Variants in THADA observed in about 807,000 individuals in gnomAD.
THADA encodes the protein THADA armadillo repeat containing, also known as tRNA (32-2'-O)-methyltransferase regulator THADA.
A neutral mutation model predicts 219.8 loss-of-function variants in THADA; 213 were observed. The ratio of observed to expected loss-of-function variants is 0.97; its 90% CI spans 0.87 to 1.09. The LOEUF (loss-of-function observed/expected upper bound fraction) is 1.09, where lower values mean the gene tolerates loss of function less well. THADA is among the 50% of genes least tolerant of loss of function. THADA has a pLI of 0.00. For synonymous variants in THADA, 1,018 were observed against 828.9 expected (o/e 1.23, Z -3.92); for missense variants, 2,956 against 2,311.3 (o/e 1.28, Z -5.72).
Position 43,397,962 on chromosome 2 carries a change from T to C in THADA, c.4227+9A>G, listed in dbSNP as rs1026870258. The C allele has an allele frequency of 3.7e-6, 6 of 1,613,538 alleles. No individual in the cohort carries two copies. The highest frequency in any genetic ancestry group is 5.1e-6 in the Non-Finnish European group (6 of 1,179,654). On this transcript the variant is annotated intron_variant, in intron 29 of 37. Transcript: ENST00000405975. ...TTTGACAGAAGTCACACAAAGCAAC[T>C]TTACTTACCTGGAGAAGTGTCCCAT...
chr2:43,514,594 T>C (rs1377882963), intron 22 of THADA, among the ~76,000 whole-genome samples: 1,661 of 96,956 alleles, frequency 0.017, 16 homozygotes, highest in African/African-American at 0.028. Context: ...TTTATATATG[T>C]ATATTTTATA....
intron 25 of THADA, among the ~76,000 whole-genome samples, chr2:43,497,159 C>T (rs1688365542): frequency 6.6e-6 from 1 of 152,140 alleles, no homozygotes; most frequent in Admixed American, 6.5e-5. Context: ...ACCAGAAATA[C>T]CATTTGACCC....
At chr2:43,392,010 C>T (rs928525450) in intron 29 of THADA, 10 of 152,180 alleles carry the variant, frequency 6.6e-5, no homozygotes, top group African/African-American at 2.2e-4. Context: ...TTATAACTTA[C>T]AGCATCAGCA....
At chr2:43,506,216 T>A (rs1484324958) in intron 23 of THADA, among the ~76,000 whole-genome samples, 2 of 152,196 alleles carry the variant, frequency 1.3e-5, no homozygotes, top group African/African-American at 4.8e-5. Flanking sequence ...AAAGAATCAT[T>A]ACTTGGAGGA....
chr2:43,539,163 T>C (rs1694979430), intron 21 of THADA, among the ~76,000 whole-genome samples: 1 of 152,220 alleles, frequency 6.6e-6, no homozygotes, highest in African/African-American at 2.4e-5. Flanking sequence ...GCAAGTCACT[T>C]CACTGCCTCC....
chr2:43,275,977 G>C (rs1672686874), intron 36 of THADA, among the ~76,000 whole-genome samples: 1 of 152,216 alleles, frequency 6.6e-6, no homozygotes, highest in African/African-American at 2.4e-5. Flanking sequence ...TGGCCGCTTG[G>C]TGGAAGAGGG....
chr2:43,235,315 CAG>C (rs1249942337), intron 36 of THADA, among the ~76,000 whole-genome samples: 1 of 151,480 alleles, frequency 6.6e-6, no homozygotes, highest in Non-Finnish European at 1.5e-5. Flanking sequence ...TGTCTTGAGA[CAG>C]AGTTTCGCTC....
intron 25 of THADA, among the ~76,000 whole-genome samples, chr2:43,497,568 A>G (rs1271101159): frequency 6.6e-6 from 1 of 152,148 alleles, no homozygotes; most frequent in Non-Finnish European, 1.5e-5. Context: ...ATCAGGACAA[A>G]TAGCTAATGC....
At chr2:43,312,717 GT>G (rs1276809031) in intron 31 of THADA, among the ~76,000 whole-genome samples, 21,501 of 126,284 alleles carry the variant, frequency 0.17, 1,643 homozygotes, top group African/African-American at 0.22. Flanking sequence ...AACAAAGCCT[GT>G]TTTTTTTTTT....
rs961715851 is a variant in THADA at position 43,421,738 on chromosome 2, A to G, written c.4058+6362T>C. Among the ~76,000 whole-genome samples, 3 of 152,208 alleles carry G rather than the reference A, an allele frequency of 2.0e-5. No individual in the cohort carries two copies. In the South Asian group the frequency reaches 6.2e-4, roughly 32 times the overall value. ...ATAAAGAATGCTTTTCAGACATAAC[A>G]TCTCATAGGCCAAAAATATGTTTTC... On this transcript the variant is annotated intron_variant, in intron 28 of 37. Transcript: ENST00000405975.
chr2:43,539,019 A>C (rs1449560224), intron 21 of THADA, among the ~76,000 whole-genome samples: 1 of 152,222 alleles, frequency 6.6e-6, no homozygotes, highest in Non-Finnish European at 1.5e-5. Flanking sequence ...TCAAAATAGA[A>C]TAGAATTGTA....
At chr2:43,263,002 G>C (rs1671132181) in intron 36 of THADA, among the ~76,000 whole-genome samples, 1 of 152,168 alleles carries the variant, frequency 6.6e-6, no homozygotes, top group South Asian at 2.1e-4. Flanking sequence ...CTTCCATAGA[G>C]AGCCAAGTCA....
Position 43,574,411 on chromosome 2 carries a change from T to C in THADA, c.1654A>G (p.Lys552Glu), listed in dbSNP as rs547589215. 8.7e-6 allele frequency: 14 copies of C among 1,610,310 alleles called. No individual in the cohort carries two copies. Among genetic ancestry groups the C allele is most frequent in the African/African-American group, 4.0e-5 (3 of 74,888 alleles). ...KSYVIDYYLP[K>E]LLSYSPESLQ... ...CTTTCAGGGCTGTAACTTAATAATT[T>C]TGGCAAGTAATAATCAATCACGTAA... Residue 552 changes from lysine to glutamate, a missense_variant, in exon 11 of 38, where the codon AAA (lysine) becomes GAA (glutamate). By Grantham distance (56) the Lys-to-Glu change is moderately conservative. Coordinates refer to ENST00000405975, the MANE Select transcript of THADA (RefSeq NM_022065.5).
intron 26 of THADA, among the ~76,000 whole-genome samples, chr2:43,455,894 T>A (rs1682936281): frequency 6.6e-6 from 1 of 152,192 alleles, no homozygotes. Context: ...TACATTCTGT[T>A]CCTTATGGTC....
rs148483133 is a variant in THADA at position 43,322,773 on chromosome 2, C to T, written c.4344-2233G>A. Among the ~76,000 whole-genome samples the T allele has an allele frequency of 5.4e-3, 795 of 147,072 alleles. 7 individuals are homozygous for T. Among genetic ancestry groups the T allele is most frequent in the Middle Eastern group, 0.01 (3 of 286 alleles). ...CGATCTTGGCTCACTGCAAGCCCCA[C>T]CTGCCGGGTTCATGCCATTCTCCTG... is the stretch of plus-strand genomic sequence containing the variant. On this transcript the variant is annotated intron_variant, in intron 30 of 37. Coordinates refer to ENST00000405975, the MANE Select transcript of THADA (RefSeq NM_022065.5).
intron 21 of THADA, among the ~76,000 whole-genome samples, chr2:43,540,101 C>A (rs1695106375): frequency 6.6e-6 from 1 of 152,192 alleles, no homozygotes; most frequent in African/African-American, 2.4e-5. Context: ...AGATGGTGAA[C>A]ATCAGTGAAG....
At chr2:43,540,212 T>A (rs980305174) in intron 21 of THADA, among the ~76,000 whole-genome samples, 2 of 152,244 alleles carry the variant, frequency 1.3e-5, no homozygotes, top group African/African-American at 4.8e-5. Flanking sequence ...CACTGACGCC[T>A]ATTTGATTTG....
chr2:43,551,655 C>T (rs1277826332), intron 19 of THADA, 134 bp downstream of exon 19: 13 of 705,892 alleles, frequency 1.8e-5, no homozygotes, highest in Non-Finnish European at 2.4e-5. Flanking sequence ...AGAAATACCA[C>T]AAATAATAAT....
chr2:43,336,121 C>T (rs1386457188), intron 30 of THADA, among the ~76,000 whole-genome samples: 1 of 151,246 alleles, frequency 6.6e-6, no homozygotes, highest in Non-Finnish European at 1.5e-5. Flanking sequence ...TTAGCCAGGT[C>T]CAGTGGCACA....
Sources: gnomAD v4.1 joint callset for allele counts (sites outside exome capture counted in the v4.1 genomes callset) on GRCh38, gnomAD v4.1.1 for gene constraint, MANE v1.5 for transcripts, NCBI Gene and HGNC (gene_info 2026-07-23, HGNC 2026-07-21) for gene names.